The following PPM1A variants were observed in gnomAD, a reference collection of about 807,000 sequenced individuals.
The protein encoded by PPM1A is protein phosphatase, Mg2+/Mn2+ dependent 1A, also known as protein phosphatase 1A.
In PPM1A, 7 loss-of-function variants were observed where a neutral mutation model predicts 35.0. The ratio of observed to expected loss-of-function variants is 0.20; its 90% CI spans 0.11 to 0.38. PPM1A has a LOEUF of 0.38. Among genes scored for constraint, PPM1A ranks in the 10% least tolerant of loss-of-function variants. The probability of loss-of-function intolerance (pLI) is 1.00; values close to 1 mark genes in which losing one functional copy is unlikely to be tolerated. For missense variants in PPM1A, 239 were observed against 467.8 expected, an observed-to-expected ratio of 0.51 and a Z score of 4.51; for synonymous variants, 153 against 167.3, an observed-to-expected ratio of 0.91 and a Z score of 0.66.
intron 2 of PPM1A, among the ~76,000 whole-genome samples, chr14:60,284,537 G>C (rs1013056623): frequency 2.0e-5 from 3 of 151,502 alleles, no homozygotes; most frequent in African/African-American, 7.3e-5. Context: ...AGCTACGCGG[G>C]AGGCTGAGGC....
chr14:60,287,453 ATT>A, intron 3 of PPM1A: 1 of 985,016 alleles, frequency 1.0e-6, no homozygotes, highest in Middle Eastern at 5.2e-4. Context: ...AATTGCTGCT[ATT>A]TTAAAACATA....
chr14:60,249,366 TG>T lies in PPM1A; in HGVS notation c.-326del, dbSNP rs1195242438. ...GAACGGGTGGTTGGGGAGGGGGGGG[TG>T]GGGGGACTCTAGACAGCTGAGGCGC... is the stretch of plus-strand genomic sequence containing the variant. On this transcript the variant is annotated 5_prime_UTR_variant, in exon 1 of 6. Coordinates refer to ENST00000395076, the MANE Select transcript of PPM1A (RefSeq NM_021003.5). This position sits in a 1 kb window ranked among gnomAD's most constrained non-coding sequence, Gnocchi z 4.5. 5.1e-6 allele frequency: 1 copy of T among 197,830 alleles called. No individual in the cohort carries two copies. The highest frequency in any genetic ancestry group is 1.2e-4 in the African/African-American group (1 of 8,364). The allele number at this position is 197,830 out of a possible 1,614,324, so 12.3% of individuals were successfully genotyped here.
At chr14:60,287,786 C>T in intron 3 of PPM1A, 2 of 982,622 alleles carry the variant, frequency 2.0e-6, no homozygotes, top group Non-Finnish European at 2.4e-6. Flanking sequence ...TTTTGTGGTC[C>T]TTCTAAGCCA....
At chr14:60,251,067 C>T (rs1882349644) in intron 1 of PPM1A, among the ~76,000 whole-genome samples, 2 of 152,214 alleles carry the variant, frequency 1.3e-5, no homozygotes, top group Admixed American at 1.3e-4. Flanking sequence ...CACAAAGTAA[C>T]ATTTCCTAGT....
At chr14:60,285,532 A>C in intron 2 of PPM1A, 92 bp from the exon 3 acceptor site, 1 of 1,299,686 alleles carries the variant, frequency 7.7e-7, no homozygotes, top group South Asian at 1.4e-5. Flanking sequence ...CACTAGAACA[A>C]GTATAACTGT....
In PPM1A at chr14:60,298,235, T is replaced by G. The variant is rs530867728; in HGVS notation, c.*5753T>G. ...TCTGGAACATTTTTGGCCTCCATAG[T>G]GCAGATATACTATATTAACAAGTAA... is the stretch of plus-strand genomic sequence containing the variant. On this transcript the variant is annotated 3_prime_UTR_variant, in exon 6 of 6. Transcript: ENST00000395076. The G allele has an allele frequency of 6.6e-6, 1 of 151,836 alleles. No individual in the cohort carries two copies. Among genetic ancestry groups the G allele is most frequent in the Non-Finnish European group, 1.5e-5 (1 of 67,718 alleles). The allele number at this position is 151,836 out of a possible 1,614,324, so 9.4% of individuals were successfully genotyped here. A position where few individuals can be genotyped will look rare whatever the true frequency, so the allele number is the denominator to read the frequency against.
rs1427482757 is a variant in PPM1A, at chr14:60,249,918, G to A, written c.-21+241G>A. On this transcript the variant is annotated intron_variant, in intron 1 of 5. Coordinates refer to ENST00000395076, the MANE Select transcript of PPM1A (RefSeq NM_021003.5). This position sits in a 1 kb window ranked among gnomAD's most constrained non-coding sequence, Gnocchi z 4.5. The stretch of plus-strand genomic sequence containing the variant: ...GCGGGGGCGGGGTGTTAGTTGCGGT[G>A]GCGCGGGGAGGGGGCGCGACCCTCT... Among the ~76,000 whole-genome samples the A allele has an allele frequency of 6.6e-6, 1 of 151,362 alleles. No homozygotes were observed. The highest frequency in any genetic ancestry group is 1.5e-5 in the Non-Finnish European group (1 of 67,642).
Position 60,249,774 on chromosome 14 carries a change from C to T in PPM1A, c.-21+97C>T. ...GCCTGGGGCCTGTAAACAAGCCGGG[C>T]GTCTGCCCGGGCGCTCCCGGGAGGA... On this transcript the variant is annotated intron_variant, in intron 1 of 5. Coordinates refer to ENST00000395076, the MANE Select transcript of PPM1A (RefSeq NM_021003.5). The surrounding 1 kb of genome is among the most constrained non-coding windows in gnomAD (Gnocchi z 4.5). 1.1e-5 allele frequency: 9 copies of T among 802,256 alleles called. No individual in the cohort carries two copies. The highest frequency in any genetic ancestry group is 1.4e-5 in the Non-Finnish European group (9 of 662,854). The allele number at this position is 802,256 out of a possible 1,614,324, so 49.7% of individuals were successfully genotyped here.
At chr14:60,284,711 A>G (rs1448918353) in intron 2 of PPM1A, among the ~76,000 whole-genome samples, 2 of 142,936 alleles carry the variant, frequency 1.4e-5, no homozygotes, top group Admixed American at 6.9e-5. Flanking sequence ...GTGTGTGTAT[A>G]TATATATATA....
chr14:60,262,954 C>T (rs1475869622), intron 1 of PPM1A, among the ~76,000 whole-genome samples: 1 of 152,174 alleles, frequency 6.6e-6, no homozygotes, highest in South Asian at 2.1e-4. Flanking sequence ...TGGCTGGGTG[C>T]GGTGGCTCAC....
At chr14:60,255,479 G>A (rs1157751335) in intron 1 of PPM1A, among the ~76,000 whole-genome samples, 1 of 152,096 alleles carries the variant, frequency 6.6e-6, no homozygotes, top group African/African-American at 2.4e-5. Context: ...CCTATCATAT[G>A]TTTTACCTTT....
intron 1 of PPM1A, among the ~76,000 whole-genome samples, chr14:60,253,073 A>T (rs1011664530): frequency 1.5e-4 from 23 of 152,150 alleles, no homozygotes; most frequent in African/African-American, 5.5e-4. Context: ...CTAGACTCTT[A>T]TACAGTTTTT....
At chr14:60,260,158 C>G (rs895659066) in intron 1 of PPM1A, among the ~76,000 whole-genome samples, 1 of 151,914 alleles carries the variant, frequency 6.6e-6, no homozygotes, top group Non-Finnish European at 1.5e-5. Flanking sequence ...GAGCTTTACC[C>G]GACTTACTTT....
chr14:60,278,912 A>C (rs1886068050), intron 1 of PPM1A, among the ~76,000 whole-genome samples: 1 of 152,210 alleles, frequency 6.6e-6, no homozygotes, highest in Non-Finnish European at 1.5e-5. Flanking sequence ...ATTGACTATT[A>C]TGGTTCTCCA....
chr14:60,290,043 A>G (rs774606195), intron 4 of PPM1A, 129 bp downstream of exon 4: 6 of 605,464 alleles, frequency 9.9e-6, no homozygotes, highest in Non-Finnish European at 1.6e-5. Context: ...CTGTGATTTC[A>G]ATTTTTTTTT....
chr14:60,285,331 A>C (rs1886877982), intron 2 of PPM1A, among the ~76,000 whole-genome samples: 1 of 152,256 alleles, frequency 6.6e-6, no homozygotes, highest in Admixed American at 6.5e-5. Flanking sequence ...GTTTAGAAAT[A>C]GTATTGTTTT....
At chr14:60,284,395 A>C (rs1036259159) in intron 2 of PPM1A, among the ~76,000 whole-genome samples, 3 of 152,156 alleles carry the variant, frequency 2.0e-5, no homozygotes, top group Admixed American at 1.3e-4. Context: ...TAATCCCAGC[A>C]CTTTGGGAGG....
chr14:60,284,712 T>C, intron 2 of PPM1A, among the ~76,000 whole-genome samples: 1 of 143,862 alleles, frequency 7.0e-6, no homozygotes, highest in African/African-American at 2.7e-5. Context: ...TGTGTGTATA[T>C]ATATATATAC....
At chr14:60,281,588 A>C (rs1886414038) in intron 1 of PPM1A, among the ~76,000 whole-genome samples, 1 of 152,178 alleles carries the variant, frequency 6.6e-6, no homozygotes, top group South Asian at 2.1e-4. Context: ...TCTGTTCATC[A>C]TGCTATCCTT....
Sources: allele counts gnomAD v4.1 joint callset (sites outside exome capture counted in the v4.1 genomes callset), GRCh38; gene constraint gnomAD v4.1.1; non-coding constraint Gnocchi (gnomAD v3.1); transcripts MANE v1.5; gene names NCBI Gene and HGNC (gene_info 2026-07-23, HGNC 2026-07-21).